Variants in TIMD4 observed in about 807,000 individuals in gnomAD.
The protein encoded by TIMD4 is T cell immunoglobulin and mucin domain containing 4, also known as T-cell immunoglobulin and mucin domain-containing protein 4.
In TIMD4, 31 loss-of-function variants were observed where a neutral mutation model predicts 41.2. The ratio of observed to expected loss-of-function variants is 0.75; its 90% CI spans 0.57 to 1.01. The LOEUF is 1.01. Among genes scored for constraint, TIMD4 ranks in the 50% least tolerant of loss-of-function variants. The probability of loss-of-function intolerance (pLI) is 0.00; values close to 1 mark genes in which losing one functional copy is unlikely to be tolerated. For synonymous variants in TIMD4, 204 were observed against 177.1 expected (o/e 1.15, Z -1.21); for missense variants, 479 against 472.5 (o/e 1.01, Z -0.13).
rs187442991 is a variant in TIMD4 at position 156,936,173 on chromosome 5, A to G, written c.845-9861T>C. On this transcript the variant is annotated intron_variant, in intron 5 of 8. Transcript: ENST00000274532. ...AGGATCGCTTGAGCCCAAGAGATAA[A>G]GGCTGCAGTGAGCCATGATCACACC... 1.0e-3 allele frequency among the ~76,000 whole-genome samples: 152 copies of G among 152,278 alleles called. 3 individuals carry two copies. The East Asian group carries it at 0.024, about 24-fold the overall frequency.
In TIMD4 at chr5:156,957,519, A is replaced by AAAAAAAAG. The variant is rs893409205; in HGVS notation, c.59-2764_59-2763insCTTTTTTT. On this transcript the variant is annotated intron_variant, in intron 1 of 8. Transcript: ENST00000274532. ...CAGAGCGAGAGTCTATCTCAAAAAA[A>AAAAAAAAG]AAAAAGAAAAAAGAAAAAGAAAAAA... Among the ~76,000 whole-genome samples, 924 of 150,734 alleles carry AAAAAAAAG rather than the reference A, an allele frequency of 6.1e-3. 37 individuals are homozygous for AAAAAAAAG. Among genetic ancestry groups the AAAAAAAAG allele is most frequent in the African/African-American group, 0.021 (878 of 41,012 alleles).
intron 1 of TIMD4, among the ~76,000 whole-genome samples, chr5:156,955,438 C>T (rs1001839631): frequency 6.6e-6 from 1 of 152,156 alleles, no homozygotes; most frequent in African/African-American, 2.4e-5. Flanking sequence ...AGGCGGATCA[C>T]AAGGTCAGGA....
intron 5 of TIMD4, among the ~76,000 whole-genome samples, chr5:156,947,265 T>A (rs1375433053): frequency 6.6e-6 from 1 of 152,114 alleles, no homozygotes; most frequent in African/African-American, 2.4e-5. Context: ...CTCATAAGAT[T>A]GAAAAAGTTA....
chr5:156,960,510 G>A (rs1396371941), intron 1 of TIMD4, among the ~76,000 whole-genome samples: 4 of 150,004 alleles, frequency 2.7e-5, no homozygotes, highest in Non-Finnish European at 5.9e-5. Flanking sequence ...TAGTTCAAGC[G>A]ATTCTCCTGC....
chr5:156,944,726 C>T (rs532554020), intron 5 of TIMD4, among the ~76,000 whole-genome samples: 84 of 152,092 alleles, frequency 5.5e-4, no homozygotes, highest in African/African-American at 2.0e-3. Context: ...AGGATGGTCT[C>T]GATCTCCTGA....
At chr5:156,932,806 C>T (rs975898391) in intron 5 of TIMD4, among the ~76,000 whole-genome samples, 1 of 152,012 alleles carries the variant, frequency 6.6e-6, no homozygotes, top group Admixed American at 6.5e-5. Flanking sequence ...CAGTTCAAGA[C>T]CAGCCTGGCC....
At chr5:156,949,522 A>T in intron 4 of TIMD4, 129 bp downstream of exon 4, 1 of 746,852 alleles carries the variant, frequency 1.3e-6, no homozygotes, top group Non-Finnish European at 2.3e-6. Flanking sequence ...CCAATTTGCC[A>T]CAGGGGGATT....
intron 1 of TIMD4, among the ~76,000 whole-genome samples, chr5:156,960,272 G>A (rs941495239): frequency 6.6e-6 from 1 of 151,598 alleles, no homozygotes; most frequent in African/African-American, 2.4e-5. Flanking sequence ...ATAAGACAAA[G>A]ACAGTAAAAA....
chr5:156,924,480 C>T (rs757060043), intron 6 of TIMD4: 36 of 481,740 alleles, frequency 7.5e-5, no homozygotes, highest in Non-Finnish European at 1.4e-4. Context: ...TTTTGCTGGC[C>T]TTGTTGGACT....
At chr5:156,923,329 A>G (rs1251000993) in intron 6 of TIMD4, among the ~76,000 whole-genome samples, 1 of 151,688 alleles carries the variant, frequency 6.6e-6, no homozygotes, top group Non-Finnish European at 1.5e-5. Flanking sequence ...TTTTGTTTTT[A>G]GTACAGATGG....
At chr5:156,926,356 G>T in intron 5 of TIMD4, 44 bp from the exon 6 acceptor site, 1 of 1,597,806 alleles carries the variant, frequency 6.3e-7, no homozygotes, top group East Asian at 2.2e-5. Flanking sequence ...TCTGGTTGGG[G>T]AATAAAATAT....
intron 5 of TIMD4, among the ~76,000 whole-genome samples, chr5:156,928,116 C>CT (rs1266055897): frequency 6.6e-6 from 1 of 151,970 alleles, no homozygotes; most frequent in Non-Finnish European, 1.5e-5. Flanking sequence ...CCATCCTGGC[C>CT]AATATGCTGA....
At chr5:156,927,721 A>G (rs1296036592) in intron 5 of TIMD4, among the ~76,000 whole-genome samples, 1 of 152,168 alleles carries the variant, frequency 6.6e-6, no homozygotes, top group Non-Finnish European at 1.5e-5. Flanking sequence ...GAAAGAGAGA[A>G]AAGTCTTTGA....
intron 3 of TIMD4, among the ~76,000 whole-genome samples, chr5:156,950,340 T>C (rs1425558730): frequency 6.6e-6 from 1 of 152,174 alleles, no homozygotes; most frequent in East Asian, 1.9e-4. Flanking sequence ...ATTTTTAGAA[T>C]CAAGGAATAG....
chr5:156,934,412 C>T (rs1454791491), intron 5 of TIMD4, among the ~76,000 whole-genome samples: 1 of 152,114 alleles, frequency 6.6e-6, no homozygotes, highest in African/African-American at 2.4e-5. Flanking sequence ...TGTGCCACCA[C>T]ACCTAGCTAG....
chr5:156,954,884 CTT>C (rs57901645), intron 1 of TIMD4, 128 bp from the exon 2 acceptor site: 473 of 670,382 alleles, frequency 7.1e-4, no homozygotes, highest in Non-Finnish European at 8.2e-4. Context: ...CTTTTCTTTC[CTT>C]TTTTTTTTTG....
At chr5:156,922,265 C>T in intron 6 of TIMD4, 49 bp from the exon 7 acceptor site, 5 of 1,403,040 alleles carry the variant, frequency 3.6e-6, no homozygotes, top group Non-Finnish European at 5.1e-6. Context: ...CTAGATGCCA[C>T]CCTCACAAGA....
chr5:156,922,173 G>A lies in TIMD4; in HGVS notation c.938C>T (p.Ser313Phe). The A allele has an allele frequency of 1.2e-6, 2 of 1,614,054 alleles. No individual in the cohort carries two copies. The highest frequency in any genetic ancestry group is 1.1e-5 in the South Asian group (1 of 91,064). ...PMSMKNEMPI[S>F]QLLMIIAPSL... ...GGGGGCGATGATCATCAGTAGTTGG[G>A]AGATGGGCATTTCATTCTTCATTGA... Residue 313 changes from serine (S) to phenylalanine (F), a missense_variant, in exon 7 of 9, where the codon TCC becomes TTC. Physicochemically the swap from Ser to Phe is radical, Grantham distance 155. Coordinates refer to ENST00000274532, the MANE Select transcript of TIMD4 (RefSeq NM_138379.3).
At chr5:156,940,715 G>A (rs572403695) in intron 5 of TIMD4, among the ~76,000 whole-genome samples, 9 of 151,400 alleles carry the variant, frequency 5.9e-5, no homozygotes, top group Admixed American at 2.6e-4. Context: ...CCCTCCGCCC[G>A]GCAGCCGCCC....
Sources: allele counts gnomAD v4.1 joint callset (sites outside exome capture counted in the v4.1 genomes callset), GRCh38; gene constraint gnomAD v4.1.1; transcripts MANE v1.5; gene names NCBI Gene and HGNC (gene_info 2026-07-23, HGNC 2026-07-21).